Variants in PTPRJ observed in about 807,000 individuals in gnomAD.
PTPRJ encodes the protein receptor-type tyrosine-protein phosphatase eta.
Under a neutral mutation model 141.3 loss-of-function variants are expected in PTPRJ, and 129 were observed. The observed-to-expected ratio is 0.91, with a 90% CI of 0.79 to 1.06. The LOEUF is 1.06. Among genes scored for constraint, PTPRJ ranks in the 50% least tolerant of loss-of-function variants. The probability of loss-of-function intolerance (pLI) is 0.00; values close to 1 mark genes in which losing one functional copy is unlikely to be tolerated. For synonymous variants in PTPRJ, 610 were observed against 640.5 expected, an observed-to-expected ratio of 0.95 and a Z score of 0.72; for missense variants, 1,601 against 1,679.7, an observed-to-expected ratio of 0.95 and a Z score of 0.82.
chr11:48,078,795 GTTTTT>G (rs55980751), intron 1 of PTPRJ, among the ~76,000 whole-genome samples: 1,935 of 96,338 alleles, frequency 0.02, 22 homozygotes, highest in African/African-American at 0.068. Context: ...TCTGTAAATA[GTTTTT>G]TTTTTTTTTT....
At chr11:48,125,296 C>A in intron 6 of PTPRJ, 110 bp downstream of exon 6, 1 of 1,214,482 alleles carries the variant, frequency 8.2e-7, no homozygotes, top group Non-Finnish European at 1.2e-6. Context: ...GTTTTGATGT[C>A]AGAGGGAGCT....
intron 1 of PTPRJ, among the ~76,000 whole-genome samples, chr11:47,987,991 CCT>C (rs1565244578): frequency 6.6e-6 from 1 of 152,182 alleles, no homozygotes; most frequent in Non-Finnish European, 1.5e-5. Context: ...GAAGTTGTCC[CCT>C]GTTGCCATTT....
intron 1 of PTPRJ, among the ~76,000 whole-genome samples, chr11:48,060,876 C>A (rs761062025): frequency 1.3e-5 from 2 of 152,222 alleles, no homozygotes; most frequent in African/African-American, 4.8e-5. Context: ...GGTGCAGAGG[C>A]TGCTACCTGC....
chr11:48,070,994 T>C (rs1211383367), intron 1 of PTPRJ, among the ~76,000 whole-genome samples: 1 of 152,212 alleles, frequency 6.6e-6, no homozygotes, highest in Non-Finnish European at 1.5e-5. Context: ...GGACCTTTAG[T>C]TGGTCTGAAT....
chr11:48,011,505 G>A (rs1854787157), intron 1 of PTPRJ, among the ~76,000 whole-genome samples: 1 of 152,142 alleles, frequency 6.6e-6, no homozygotes, highest in Non-Finnish European at 1.5e-5. Context: ...AATATGATGG[G>A]CCAGTCTTAT....
intron 1 of PTPRJ, among the ~76,000 whole-genome samples, chr11:47,987,261 G>T (rs1207626367): frequency 6.6e-6 from 1 of 151,920 alleles, no homozygotes; most frequent in Non-Finnish European, 1.5e-5. Context: ...AGTAAAGAAA[G>T]ACCCCCAAAA....
intron 1 of PTPRJ, among the ~76,000 whole-genome samples, chr11:48,006,008 G>A (rs1031803715): frequency 1.3e-5 from 2 of 152,240 alleles, no homozygotes; most frequent in African/African-American, 4.8e-5. Context: ...GCTGGGAGGG[G>A]CCCAGAGGCT....
At chr11:48,164,269 C>A in intron 23 of PTPRJ, 111 bp from the exon 24 acceptor site, 1 of 1,353,626 alleles carries the variant, frequency 7.4e-7, no homozygotes, top group Non-Finnish European at 1.0e-6. Flanking sequence ...TGTGCATTGC[C>A]CTCAAAGTGT....
At chr11:48,032,079 A>G (rs1853999556) in intron 1 of PTPRJ, among the ~76,000 whole-genome samples, 3 of 152,178 alleles carry the variant, frequency 2.0e-5, no homozygotes, top group African/African-American at 7.2e-5. Flanking sequence ...GTCCAGGCTC[A>G]GTGAGTGACC....
rs533702342 is a variant in PTPRJ at position 48,130,119 on chromosome 11, A to C, written c.1358-340A>C. Among the ~76,000 whole-genome samples, 91 of 150,580 alleles carry C rather than the reference A, an allele frequency of 6.0e-4. 1 individual carries two copies. The highest frequency in any genetic ancestry group is 1.8e-4 in the Non-Finnish European group (12 of 67,708). On this transcript the variant is annotated intron_variant, in intron 7 of 24. Transcript: ENST00000418331. ...TCCCTCCCTGAACAGAGGCTCTGGGAGGCTAGTAATGCATTCGAGATAAAG... is the reference window on the plus strand; with the variant it reads ...TCCCTCCCTGAACAGAGGCTCTGGGCGGCTAGTAATGCATTCGAGATAAAG...
intron 1 of PTPRJ, among the ~76,000 whole-genome samples, chr11:48,005,181 C>T (rs561836411): frequency 6.6e-6 from 1 of 151,898 alleles, no homozygotes; most frequent in Admixed American, 6.6e-5. Context: ...GAGATCATGC[C>T]ACTGCACTCC....
chr11:48,133,651 T>G (rs1341662687), intron 8 of PTPRJ, among the ~76,000 whole-genome samples: 1 of 152,250 alleles, frequency 6.6e-6, no homozygotes, highest in African/African-American at 2.4e-5. Flanking sequence ...GACAGTTATT[T>G]GTACATCAGT....
intron 1 of PTPRJ, among the ~76,000 whole-genome samples, chr11:48,078,463 T>A (rs79622738): frequency 0.017 from 2,563 of 152,298 alleles, 77 homozygotes; most frequent in African/African-American, 0.058. Context: ...AGAGATGGGC[T>A]TCAAGTGCCA....
chr11:48,150,372 C>T (rs920338649), intron 18 of PTPRJ, among the ~76,000 whole-genome samples, 189 bp downstream of exon 18: 3 of 152,168 alleles, frequency 2.0e-5, no homozygotes, highest in African/African-American at 7.2e-5. Flanking sequence ...ACAATAGTGG[C>T]TCAAAGCCAG....
intron 1 of PTPRJ, among the ~76,000 whole-genome samples, chr11:48,070,284 T>A (rs1311384754): frequency 6.6e-6 from 1 of 152,078 alleles, no homozygotes; most frequent in Non-Finnish European, 1.5e-5. Flanking sequence ...GGTGGATCAC[T>A]TGAGGTCACG....
At chr11:48,119,978 A>C (rs1172822076) in intron 3 of PTPRJ, among the ~76,000 whole-genome samples, 1 of 152,222 alleles carries the variant, frequency 6.6e-6, no homozygotes, top group East Asian at 1.9e-4. Flanking sequence ...ACGATCTTGT[A>C]CATCTAAGAT....
chr11:48,157,996 A>T (rs937646869), intron 21 of PTPRJ, among the ~76,000 whole-genome samples: 2 of 152,206 alleles, frequency 1.3e-5, no homozygotes, highest in Non-Finnish European at 2.9e-5. Context: ...TACTAAAAAC[A>T]CAAAAATTAG....
At chr11:48,097,606 C>T (rs976947197) in intron 1 of PTPRJ, among the ~76,000 whole-genome samples, 2 of 151,448 alleles carry the variant, frequency 1.3e-5, no homozygotes, top group African/African-American at 4.9e-5. Context: ...GGCGTGATCT[C>T]AGCTCACTGC....
chr11:48,068,371 G>T (rs895243753), intron 1 of PTPRJ, among the ~76,000 whole-genome samples: 1 of 152,132 alleles, frequency 6.6e-6, no homozygotes, highest in Admixed American at 6.5e-5. Context: ...GAATGGGGGG[G>T]TGGTTTCTCC....
Sources: gnomAD v4.1 joint callset for allele counts (sites outside exome capture counted in the v4.1 genomes callset) on GRCh38, gnomAD v4.1.1 for gene constraint, MANE v1.5 for transcripts, NCBI Gene and HGNC (gene_info 2026-07-23, HGNC 2026-07-21) for gene names.